Variants in DNAH9 observed in about 807,000 individuals in gnomAD.
DNAH9 encodes dynein axonemal heavy chain 9, also known as DNAH9 variant protein.
In DNAH9, 345 loss-of-function variants were observed where a neutral mutation model predicts 471.6. The observed-to-expected ratio is 0.73, with a 90% CI of 0.67 to 0.80. The LOEUF is 0.80. Among genes scored for constraint, DNAH9 ranks in the 30% least tolerant of loss-of-function variants. The probability of loss-of-function intolerance (pLI) is 0.00; values close to 1 mark genes in which losing one functional copy is unlikely to be tolerated. For missense variants in DNAH9, 5,407 were observed against 5,609.2 expected (o/e 0.96, Z 1.15); for synonymous variants, 2,093 against 2,123.6 (o/e 0.99, Z 0.40).
chr17:11,937,628 A>C lies in DNAH9; in HGVS notation c.12660+106A>C, dbSNP rs1974758825. ...TTTGGCAGTACACAGCATAGACAAC[A>C]CACAAAGCACCAACCACCTGCAGCC... is the stretch of plus-strand genomic sequence containing the variant. On this transcript the variant is annotated intron_variant, in intron 66 of 68. Coordinates refer to ENST00000262442, the MANE Select transcript of DNAH9 (RefSeq NM_001372.4). This position sits in a 1 kb window ranked among gnomAD's most constrained non-coding sequence, Gnocchi z 4.1. 3 of 1,264,266 alleles carry C rather than the reference A, an allele frequency of 2.4e-6. No homozygotes were observed. The highest frequency in any genetic ancestry group is 3.1e-6 in the Non-Finnish European group (3 of 956,526). The allele number at this position is 1,264,266 out of a possible 1,614,324, so 78.3% of individuals were successfully genotyped here. A position where few individuals can be genotyped will look rare whatever the true frequency, so the allele number is the denominator to read the frequency against.
intron 1 of DNAH9, among the ~76,000 whole-genome samples, chr17:11,602,085 A>C (rs1379342925): frequency 6.6e-6 from 1 of 151,710 alleles, no homozygotes; most frequent in Non-Finnish European, 1.5e-5. Context: ...CTGCCAACTT[A>C]TTTTTCCTAG....
intron 62 of DNAH9, among the ~76,000 whole-genome samples, chr17:11,924,644 G>A (rs1348206006): frequency 2.5e-5 from 2 of 79,254 alleles, no homozygotes; most frequent in Non-Finnish European, 4.5e-5. Flanking sequence ...TTTTTTTTGA[G>A]ATGGAGTCTT....
chr17:11,844,698 C>A (rs1291986127), intron 49 of DNAH9, among the ~76,000 whole-genome samples: 2 of 152,198 alleles, frequency 1.3e-5, no homozygotes, highest in Non-Finnish European at 2.9e-5. Context: ...AGCCACCACA[C>A]CCAGCCAGTA....
At chr17:11,721,928 G>A (rs1210634786) in intron 27 of DNAH9, among the ~76,000 whole-genome samples, 2 of 152,106 alleles carry the variant, frequency 1.3e-5, no homozygotes, top group African/African-American at 2.4e-5. Flanking sequence ...CAGTTTTGGG[G>A]TTGGTGACAG....
Position 11,647,096 on chromosome 17 carries a change from T to TG in DNAH9, c.1995_1996insG (p.Trp666ValfsTer21), listed in dbSNP as rs770838761. 12 of 1,613,900 alleles carry TG rather than the reference T, an allele frequency of 7.4e-6. No homozygotes were observed. Among genetic ancestry groups the TG allele is most frequent in the Admixed American group, 3.3e-5 (2 of 59,994 alleles). ...GGTATGAGACAAGACTTTATGAGGA[T>TG]TGGTGCCGGACAGTATCAGAGAAGT... On this transcript the variant is annotated frameshift_variant, in exon 12 of 69. Transcript: ENST00000262442. LOFTEE classifies it high-confidence loss of function.
At chr17:11,647,831 G>C (rs1264378770) in intron 12 of DNAH9, among the ~76,000 whole-genome samples, 1 of 152,202 alleles carries the variant, frequency 6.6e-6, no homozygotes, top group African/African-American at 2.4e-5. Flanking sequence ...CTCAACTGGT[G>C]GTGATTTTGT....
At chr17:11,710,142 A>G (rs1166426187) in intron 26 of DNAH9, among the ~76,000 whole-genome samples, 1 of 152,164 alleles carries the variant, frequency 6.6e-6, no homozygotes, top group Admixed American at 6.6e-5. Context: ...TATCTTATAT[A>G]TAAAACTTCA....
chr17:11,603,062 T>G (rs544371518), intron 1 of DNAH9, among the ~76,000 whole-genome samples: 110 of 152,332 alleles, frequency 7.2e-4, no homozygotes, highest in Non-Finnish European at 1.3e-3. Context: ...TACCTCACTA[T>G]GTCATACTCA....
Position 11,651,181 on chromosome 17 carries a change from C to A in DNAH9, c.2210C>A (p.Ala737Asp). ...SSRDFYRQLV[A>D]NLELMANWYN... ...AGGGATTTCTATCGGCAGCTTGTGG[C>A]TAATTTAGAGTTGATGGCAAATTGG... Residue 737 changes from alanine (A) to aspartate (D), a missense_variant, in exon 13 of 69, where the codon GCT becomes GAT. Ala to Asp is a moderately radical substitution (Grantham distance 126). Around this residue, in one of 3 missense-constraint regions of DNAH9, gnomAD observed 4,636 missense variants for 4,900.3 expected, o/e 0.95. Transcript: ENST00000262442. 1 of 1,614,022 alleles carries A rather than the reference C, an allele frequency of 6.2e-7. No homozygotes were observed. Among genetic ancestry groups the A allele is most frequent in the Non-Finnish European group, 8.5e-7 (1 of 1,179,996 alleles).
chr17:11,735,515 C>T lies in DNAH9; in HGVS notation c.5815-3365C>T, dbSNP rs550193366. 3.1e-3 allele frequency among the ~76,000 whole-genome samples: 474 copies of T among 152,032 alleles called. 4 individuals are homozygous for T. The highest frequency in any genetic ancestry group is 2.6e-3 in the Admixed American group (39 of 15,284). The stretch of plus-strand genomic sequence containing the variant: ...CAGTGGCGCGATCTCGGCTCACTGC[C>T]ACCTCTGCCTCCCAGGTTCAAGCGA... On this transcript the variant is annotated intron_variant, in intron 28 of 68. Coordinates refer to ENST00000262442, the MANE Select transcript of DNAH9 (RefSeq NM_001372.4).
chr17:11,883,780 C>G (rs371598751), intron 56 of DNAH9, 30 bp downstream of exon 56: 18 of 1,604,614 alleles, frequency 1.1e-5, no homozygotes, highest in Non-Finnish European at 1.4e-5. Context: ...TCTGGGAAGG[C>G]AGCCTAGGCT....
At position 11,742,242 on chromosome 17, in the gene DNAH9, A is replaced by G; in HGVS notation, c.6040A>G (p.Ile2014Val). 1 of 1,614,080 alleles carries G rather than the reference A, an allele frequency of 6.2e-7. No individual in the cohort carries two copies. Residue 2014 changes from isoleucine (I) to valine (V), a missense_variant, in exon 30 of 69, where the codon ATT becomes GTT. Coordinates refer to ENST00000262442, the MANE Select transcript of DNAH9 (RefSeq NM_001372.4). ...AATCATGCTGGTGGCAGAAGGATTC[A>G]TTGAAGCCCAGTCATTAGCCAGAAA... is the stretch of plus-strand genomic sequence containing the variant. Reference protein sequence around the residue: ...CEIMLVAEGFIEAQSLARKFI... With the variant: ...CEIMLVAEGFVEAQSLARKFI...
intron 14 of DNAH9, among the ~76,000 whole-genome samples, chr17:11,663,662 G>A (rs1394230667): frequency 1.3e-5 from 2 of 152,148 alleles, no homozygotes; most frequent in South Asian, 2.1e-4. Context: ...TTCTTAGACC[G>A]CAATAGATTT....
intron 19 of DNAH9, among the ~76,000 whole-genome samples, chr17:11,683,448 A>C (rs2074173625): frequency 6.6e-6 from 1 of 152,212 alleles, no homozygotes; most frequent in Non-Finnish European, 1.5e-5. Flanking sequence ...CTGGGATTAC[A>C]GGCATGAACC....
Position 11,701,199 on chromosome 17 carries a change from C to A in DNAH9, c.5103C>A (p.Ala1701=). 1 of 1,614,064 alleles carries A rather than the reference C, an allele frequency of 6.2e-7. No homozygotes were observed. The highest frequency in any genetic ancestry group is 8.5e-7 in the Non-Finnish European group (1 of 1,179,990). Residue 1701 remains alanine (A), a synonymous_variant, in exon 24 of 69, where the codon GCC becomes GCA. Transcript: ENST00000262442. ...ATGAGATGACAGAAGGTGTAACTGC[C>A]TATGAAGAAAAGCCGAGGGAGCAGT... ...VRHEMTEGVT[A]YEEKPREQWL...
rs1976277194 is a variant in DNAH9, at chr17:11,962,327, G to C, written c.13233+71G>C. The C allele has an allele frequency of 6.7e-7, 1 of 1,502,830 alleles. No individual in the cohort carries two copies. The highest frequency in any genetic ancestry group is 8.8e-7 in the Non-Finnish European group (1 of 1,132,686). The allele number at this position is 1,502,830 out of a possible 1,614,324, so 93.1% of individuals were successfully genotyped here. The stretch of plus-strand genomic sequence containing the variant: ...AAATACACATTGCTTCCTATGAAGT[G>C]TGACTACTAAAAGAGATATTCCTGA... On this transcript the variant is annotated intron_variant, in intron 68 of 68. Transcript: ENST00000262442. This position sits in a 1 kb window ranked among gnomAD's most constrained non-coding sequence, Gnocchi z 4.1.
At chr17:11,725,122 A>C (rs1380893513) in intron 27 of DNAH9, among the ~76,000 whole-genome samples, 1 of 152,234 alleles carries the variant, frequency 6.6e-6, no homozygotes, top group Non-Finnish European at 1.5e-5. Context: ...AGCAGCTGTC[A>C]ATACAGATGA....
intron 41 of DNAH9, among the ~76,000 whole-genome samples, chr17:11,786,070 G>A (rs1020300034): frequency 1.0e-4 from 13 of 127,000 alleles, no homozygotes; most frequent in Non-Finnish European, 1.8e-4. Flanking sequence ...GTGTTACTAG[G>A]TGGATTTTTC....
Position 11,608,126 on chromosome 17 carries a change from C to T in DNAH9, c.418-3C>T, listed in dbSNP as rs1309148887. The T allele has an allele frequency of 1.3e-6, 2 of 1,584,758 alleles. No individual in the cohort carries two copies. The highest frequency in any genetic ancestry group is 1.7e-6 in the Non-Finnish European group (2 of 1,161,688). On this transcript the variant is annotated splice_polypyrimidine_tract_variant and splice_region_variant and intron_variant, in intron 1 of 68. Coordinates refer to ENST00000262442, the MANE Select transcript of DNAH9 (RefSeq NM_001372.4). ...CTTTCTTTCCTGTGCACCTCTGTTC[C>T]AGGTTGTTCTACCCGTCCTGGCCAA...
Sources: allele counts gnomAD v4.1 joint callset (sites outside exome capture counted in the v4.1 genomes callset), GRCh38; gene constraint gnomAD v4.1.1; regional missense constraint gnomAD v4.1.1; non-coding constraint Gnocchi (gnomAD v3.1); transcripts MANE v1.5; gene names NCBI Gene and HGNC (gene_info 2026-07-23, HGNC 2026-07-21).